SNCAIP: variants seen among roughly 807,000 people sequenced by gnomAD.
SNCAIP encodes the protein synuclein alpha interacting protein.
In SNCAIP, 43 loss-of-function variants were observed where a neutral mutation model predicts 86.7. That is an observed-to-expected ratio of 0.50 (90% CI 0.39 to 0.64). SNCAIP has a LOEUF of 0.64. Ranked by LOEUF, SNCAIP falls within the 30% of genes least tolerant of loss-of-function variation. SNCAIP has a pLI of 0.00. For synonymous variants in SNCAIP, 417 were observed against 427.2 expected (o/e 0.98, Z 0.29); for missense variants, 981 against 1,103.1 (o/e 0.89, Z 1.57).
chr5:122,401,897 G>A (rs898551786), intron 2 of SNCAIP, among the ~76,000 whole-genome samples: 1 of 152,186 alleles, frequency 6.6e-6, no homozygotes, highest in African/African-American at 2.4e-5. Flanking sequence ...CAGAGATTCT[G>A]ATATGTCTGA....
In SNCAIP at chr5:122,424,281, T is replaced by G. The variant is rs148916492; in HGVS notation, c.1002+542T>G. ...TTACTTACTTCCAGCTCTGCATGTC[T>G]AGGGAGCATGAAGAAGCTTTTCCAA... On this transcript the variant is annotated intron_variant, in intron 4 of 10. Transcript: ENST00000261368. 1.3e-3 allele frequency among the ~76,000 whole-genome samples: 205 copies of G among 152,320 alleles called. 1 individual carries two copies. The highest frequency in any genetic ancestry group is 4.6e-3 in the African/African-American group (191 of 41,570).
intron 3 of SNCAIP, among the ~76,000 whole-genome samples, chr5:122,408,920 T>C (rs1254237013): frequency 6.6e-6 from 1 of 152,124 alleles, no homozygotes; most frequent in Non-Finnish European, 1.5e-5. Flanking sequence ...TCACAGAGGG[T>C]AAATAATGTG....
chr5:122,393,606 C>G (rs1000246746), intron 2 of SNCAIP, among the ~76,000 whole-genome samples: 1 of 152,110 alleles, frequency 6.6e-6, no homozygotes, highest in Non-Finnish European at 1.5e-5. Context: ...TGTTGTCATA[C>G]CGGGGAGTTG....
chr5:122,372,971 T>C (rs1580770906), intron 1 of SNCAIP, among the ~76,000 whole-genome samples: 1 of 152,200 alleles, frequency 6.6e-6, no homozygotes, highest in Non-Finnish European at 1.5e-5. Flanking sequence ...CCATTCTACT[T>C]GTATAAATCT....
In SNCAIP at chr5:122,450,910, C is replaced by T; in HGVS notation, c.2063C>T (p.Pro688Leu). 6.2e-7 allele frequency: 1 copy of T among 1,614,054 alleles called. No homozygotes were observed. The highest frequency in any genetic ancestry group is 1.1e-5 in the South Asian group (1 of 91,078). ...SDTDSNNSEDPKTTPVRKADR... is the reference protein window; with the variant it reads ...SDTDSNNSEDLKTTPVRKADR... ...ACAGACTCCAACAACTCTGAGGACC[C>T]CAAGACTACCCCAGTGAGGAAGGCT... The change falls in exon 10 of 11, where the codon CCC becomes CTC. Residue 688 changes from proline (P) to leucine (L), a missense_variant. Transcript: ENST00000261368.
chr5:122,346,789 A>G (rs574822635), intron 1 of SNCAIP, among the ~76,000 whole-genome samples: 203 of 151,606 alleles, frequency 1.3e-3, no homozygotes, highest in African/African-American at 4.7e-3. Flanking sequence ...GGTTGAAATG[A>G]TCTAGTTGCA....
At chr5:122,417,819 G>A (rs1424869990) in intron 3 of SNCAIP, among the ~76,000 whole-genome samples, 2 of 152,144 alleles carry the variant, frequency 1.3e-5, no homozygotes, top group Non-Finnish European at 1.5e-5. Flanking sequence ...GCTAGACAAA[G>A]GGCTGGTTAT....
intron 3 of SNCAIP, among the ~76,000 whole-genome samples, chr5:122,404,196 G>T (rs960234483): frequency 1.3e-5 from 2 of 152,090 alleles, no homozygotes; most frequent in African/African-American, 4.8e-5. Flanking sequence ...ACATAATGAT[G>T]CAGGCGCCAA....
At chr5:122,320,774 G>C (rs1752756263) in intron 1 of SNCAIP, among the ~76,000 whole-genome samples, 1 of 152,128 alleles carries the variant, frequency 6.6e-6, no homozygotes. Flanking sequence ...TGAAGACAGG[G>C]GTAACTGCTT....
chr5:122,382,534 C>T (rs892649250), intron 1 of SNCAIP, among the ~76,000 whole-genome samples: 17 of 152,374 alleles, frequency 1.1e-4, no homozygotes, highest in Non-Finnish European at 2.1e-4. Context: ...AAGCCTTCTT[C>T]TCTCACCTCG....
intron 1 of SNCAIP, among the ~76,000 whole-genome samples, chr5:122,343,726 C>G (rs768662118): frequency 6.6e-6 from 1 of 152,164 alleles, no homozygotes; most frequent in East Asian, 1.9e-4. Context: ...CTGTAGAATA[C>G]TTTTCAGTAT....
chr5:122,345,385 A>T (rs189399525), intron 1 of SNCAIP, among the ~76,000 whole-genome samples: 72 of 152,206 alleles, frequency 4.7e-4, no homozygotes, highest in African/African-American at 1.6e-3. Flanking sequence ...ACTTCCTGGG[A>T]TATATAAAAA....
At chr5:122,392,590 G>C (rs1393069978) in intron 2 of SNCAIP, among the ~76,000 whole-genome samples, 1 of 152,176 alleles carries the variant, frequency 6.6e-6, no homozygotes, top group Non-Finnish European at 1.5e-5. Flanking sequence ...GGGAAACTGT[G>C]TTATGATTGG....
At chr5:122,427,673 T>C (rs1395580134) in intron 5 of SNCAIP, among the ~76,000 whole-genome samples, 1 of 152,198 alleles carries the variant, frequency 6.6e-6, no homozygotes, top group Admixed American at 6.5e-5. Flanking sequence ...GGACCTTGTT[T>C]TGAACACCAG....
chr5:122,463,466 G>T, intron 10 of SNCAIP, 25 bp from the exon 11 acceptor site: 1 of 1,359,304 alleles, frequency 7.4e-7, no homozygotes, highest in Non-Finnish European at 1.1e-6. Context: ...ATCTAATTTT[G>T]GCCTGTGGTT....
intron 3 of SNCAIP, among the ~76,000 whole-genome samples, chr5:122,416,173 G>A (rs1297737403): frequency 6.6e-6 from 1 of 152,126 alleles, no homozygotes; most frequent in Non-Finnish European, 1.5e-5. Flanking sequence ...GTGCAAATAG[G>A]GTGCAAAGTT....
At chr5:122,428,842 G>A (rs981323262) in intron 5 of SNCAIP, among the ~76,000 whole-genome samples, 7 of 151,984 alleles carry the variant, frequency 4.6e-5, no homozygotes, top group Admixed American at 3.9e-4. Context: ...AACATGCGGT[G>A]TTTGGTTTTC....
intron 3 of SNCAIP, among the ~76,000 whole-genome samples, chr5:122,412,340 A>G (rs1417408701): frequency 4.6e-5 from 7 of 152,186 alleles, no homozygotes; most frequent in South Asian, 2.1e-4. Flanking sequence ...TATGATTTCC[A>G]TCTCTCTAGG....
At chr5:122,337,736 C>T (rs886064425) in intron 1 of SNCAIP, among the ~76,000 whole-genome samples, 4 of 152,166 alleles carry the variant, frequency 2.6e-5, no homozygotes, top group East Asian at 1.9e-4. Context: ...GGCAGGGCTT[C>T]GCCATGTTGG....
Sources: allele counts gnomAD v4.1 joint callset (sites outside exome capture counted in the v4.1 genomes callset), GRCh38; gene constraint gnomAD v4.1.1; transcripts MANE v1.5; gene names NCBI Gene and HGNC (gene_info 2026-07-23, HGNC 2026-07-21).